Variants in FLACC1 observed in about 807,000 individuals in gnomAD.
FLACC1 encodes flagellum-associated coiled-coil domain-containing protein 1.
A neutral mutation model predicts 62.8 loss-of-function variants in FLACC1; 66 were observed. That is an observed-to-expected ratio of 1.05 (90% CI 0.86 to 1.29). The LOEUF is 1.29. Among genes scored for constraint, FLACC1 ranks in the 50% most tolerant of loss-of-function variants. The pLI, the probability that FLACC1 is intolerant of heterozygous loss-of-function variation, is 0.00. For missense variants in FLACC1, 452 were observed against 489.1 expected, an observed-to-expected ratio of 0.92 and a Z score of 0.71; for synonymous variants, 156 against 161.0, an observed-to-expected ratio of 0.97 and a Z score of 0.24.
chr2:201,322,345 A>C (rs2125582708), intron 9 of FLACC1, among the ~76,000 whole-genome samples: 1 of 152,242 alleles, frequency 6.6e-6, no homozygotes, highest in South Asian at 2.1e-4. Context: ...ATAAGCTTTA[A>C]GAGACCTCTT....
chr2:201,330,816 TG>T lies in FLACC1; in HGVS notation c.541del (p.His181MetfsTer16). ...CTCCAACTCACTGAGTTCTGCTTCA[TG>T]GGCCTCTTTGAGCTCCCTGTGGGAC... is the stretch of plus-strand genomic sequence containing the variant. ...ENKNRELKEAHEAELSELENN... is the reference protein window; with the variant it reads ...ENKNRELKEAXEAELSELENN... On this transcript the variant is annotated frameshift_variant, in exon 8 of 15. Transcript: ENST00000392257. LOFTEE classifies it high-confidence loss of function. 1 of 1,613,434 alleles carries T rather than the reference TG, an allele frequency of 6.2e-7. No individual in the cohort carries two copies. Among genetic ancestry groups the T allele is most frequent in the Non-Finnish European group, 8.5e-7 (1 of 1,179,986 alleles).
intron 12 of FLACC1, among the ~76,000 whole-genome samples, chr2:201,291,944 A>G (rs1462501248): frequency 6.6e-6 from 1 of 152,240 alleles, no homozygotes; most frequent in African/African-American, 2.4e-5. Context: ...AGATCAAATG[A>G]ATGAAATGAA....
chr2:201,351,265 GC>G, intron 2 of FLACC1, 26 bp downstream of exon 2: 1 of 1,548,246 alleles, frequency 6.5e-7, no homozygotes, highest in Non-Finnish European at 8.9e-7. Context: ...AGGTCCCTGT[GC>G]CTACCCCATC....
chr2:201,364,258 G>A, the FLACC1 span, among the ~76,000 whole-genome samples: 1 of 152,072 alleles, frequency 6.6e-6, no homozygotes, highest in Admixed American at 6.5e-5. Context: ...CCTAGAGAGG[G>A]GGGAAAAGGG....
intron 11 of FLACC1, among the ~76,000 whole-genome samples, chr2:201,305,941 G>A (rs1253060594): frequency 6.9e-6 from 1 of 144,534 alleles, no homozygotes; most frequent in Non-Finnish European, 1.5e-5. Flanking sequence ...TTGTGGGGTG[G>A]GGGGAGGGGG....
At chr2:201,362,631 G>A in the FLACC1 span, among the ~76,000 whole-genome samples, 1 of 152,200 alleles carries the variant, frequency 6.6e-6, no homozygotes, top group Non-Finnish European at 1.5e-5. Flanking sequence ...GGCTGAGGGA[G>A]AGCACTTTGT....
At chr2:201,311,011 TC>T (rs1950207012) in intron 9 of FLACC1, among the ~76,000 whole-genome samples, 1 of 152,070 alleles carries the variant, frequency 6.6e-6, no homozygotes. Context: ...ATTATGAACA[TC>T]TGTATGCATA....
intron 7 of FLACC1, among the ~76,000 whole-genome samples, chr2:201,336,044 A>G (rs1466933211): frequency 2.6e-5 from 4 of 152,076 alleles, no homozygotes; most frequent in Non-Finnish European, 5.9e-5. Flanking sequence ...GTACATGTAT[A>G]TATTTGTTGC....
At chr2:201,288,809 A>G in intron 14 of FLACC1, 28 bp from the exon 15 acceptor site, 5 of 1,609,102 alleles carry the variant, frequency 3.1e-6, no homozygotes, top group South Asian at 1.1e-5. Flanking sequence ...AGATGTATCA[A>G]TGTCAACTCA....
chr2:201,354,384 G>T (rs764067745), intron 1 of FLACC1, among the ~76,000 whole-genome samples: 1 of 152,192 alleles, frequency 6.6e-6, no homozygotes, highest in South Asian at 2.1e-4. Context: ...CGTGTGCAGG[G>T]GTTGGCTGGG....
intron 1 of FLACC1, among the ~76,000 whole-genome samples, chr2:201,353,134 G>C (rs1022071191): frequency 6.6e-6 from 1 of 152,210 alleles, no homozygotes; most frequent in African/African-American, 2.4e-5. Flanking sequence ...GTGTGGGTGA[G>C]AGATTGGCAA....
intron 11 of FLACC1, among the ~76,000 whole-genome samples, chr2:201,304,958 C>T (rs1233784835): frequency 2.6e-5 from 4 of 152,112 alleles, no homozygotes; most frequent in Admixed American, 6.6e-5. Flanking sequence ...ACTTAAATGT[C>T]AGACCTAAAA....
chr2:201,315,536 G>A (rs944305910), intron 9 of FLACC1, among the ~76,000 whole-genome samples: 8 of 151,994 alleles, frequency 5.3e-5, no homozygotes, highest in Non-Finnish European at 7.4e-5. Context: ...CCTAACACTG[G>A]AGCTCCCAAA....
intron 6 of FLACC1, 115 bp downstream of exon 6, chr2:201,344,055 G>C: frequency 1.2e-6 from 1 of 836,326 alleles, no homozygotes; most frequent in Admixed American, 2.4e-5. Context: ...CCTGTCACCT[G>C]GACAACATGG....
chr2:201,296,293 A>G (rs1405132558), intron 12 of FLACC1, among the ~76,000 whole-genome samples: 5 of 152,082 alleles, frequency 3.3e-5, no homozygotes, highest in African/African-American at 1.2e-4. Flanking sequence ...CTGGATTAAG[A>G]AAATGTGGCA....
chr2:201,359,808 G>C (rs1951169679), upstream of FLACC1, among the ~76,000 whole-genome samples: 1 of 152,246 alleles, frequency 6.6e-6, no homozygotes, highest in South Asian at 2.1e-4. Context: ...AGATTAAAAG[G>C]AGGGAAATAA....
intron 9 of FLACC1, among the ~76,000 whole-genome samples, chr2:201,319,544 C>CA (rs1480380994): frequency 4.0e-5 from 6 of 151,782 alleles, no homozygotes; most frequent in East Asian, 3.9e-4. Flanking sequence ...TTCTGCACAG[C>CA]AAAAAAACCC....
At chr2:201,340,900 T>C (rs1950795121) in intron 7 of FLACC1, among the ~76,000 whole-genome samples, 1 of 152,346 alleles carries the variant, frequency 6.6e-6, no homozygotes, top group Admixed American at 6.5e-5. Flanking sequence ...GGCAGTTTTT[T>C]CCTTCAGCAC....
intron 12 of FLACC1, among the ~76,000 whole-genome samples, chr2:201,293,351 A>T (rs1431916811): frequency 6.6e-6 from 1 of 152,232 alleles, no homozygotes; most frequent in African/African-American, 2.4e-5. Flanking sequence ...TCAAACTAGA[A>T]CTCAAGATTA....
Sources: gnomAD v4.1 joint callset for allele counts (sites outside exome capture counted in the v4.1 genomes callset) on GRCh38, gnomAD v4.1.1 for gene constraint, MANE v1.5 for transcripts, NCBI Gene and HGNC (gene_info 2026-07-23, HGNC 2026-07-21) for gene names.